TANC1: variants seen among roughly 807,000 people sequenced by gnomAD.
TANC1 encodes the protein protein TANC1.
Under a neutral mutation model 149.7 loss-of-function variants are expected in TANC1, and 77 were observed. The ratio of observed to expected loss-of-function variants is 0.51; its 90% CI spans 0.43 to 0.62. The LOEUF (loss-of-function observed/expected upper bound fraction) is 0.62, where lower values mean the gene tolerates loss of function less well. TANC1 is among the 20% of genes least tolerant of loss of function. The pLI, the probability that TANC1 is intolerant of heterozygous loss-of-function variation, is 0.00. For synonymous variants in TANC1, 854 were observed against 925.0 expected (o/e 0.92, Z 1.39); for missense variants, 1,985 against 2,321.8 (o/e 0.85, Z 2.98).
chr2:159,045,239 G>C (rs1317268899), intron 2 of TANC1, among the ~76,000 whole-genome samples: 1 of 152,164 alleles, frequency 6.6e-6, no homozygotes, highest in East Asian at 1.9e-4. Flanking sequence ...TGAGCAGATT[G>C]CCTGAGCTCA....
At chr2:159,073,209 C>T (rs968550490) in intron 3 of TANC1, among the ~76,000 whole-genome samples, 2 of 152,080 alleles carry the variant, frequency 1.3e-5, no homozygotes, top group Non-Finnish European at 2.9e-5. Flanking sequence ...GGCCCTTGTC[C>T]CCCGACCTCT....
intron 1 of TANC1, among the ~76,000 whole-genome samples, chr2:158,978,861 G>T (rs2033986143): frequency 6.6e-6 from 1 of 152,206 alleles, no homozygotes; most frequent in Non-Finnish European, 1.5e-5. Flanking sequence ...AGGGTCAAAT[G>T]ACAGAATGTA....
intron 5 of TANC1, among the ~76,000 whole-genome samples, chr2:159,145,615 G>T (rs1475038376): frequency 1.3e-5 from 2 of 152,178 alleles, no homozygotes; most frequent in African/African-American, 4.8e-5. Context: ...GTCGGGAGCT[G>T]GTCAGTTTGT....
chr2:159,150,896 A>C, intron 7 of TANC1: 1 of 197,132 alleles, frequency 5.1e-6, no homozygotes, highest in South Asian at 1.4e-4. Context: ...ACAGCAGAGC[A>C]ATGAAATTCC....
chr2:159,201,652 C>G lies in TANC1; in HGVS notation c.3244+2599C>G, dbSNP rs868322925. 6.6e-5 allele frequency among the ~76,000 whole-genome samples: 10 copies of G among 152,310 alleles called. No homozygotes were observed. In the Middle Eastern group the frequency reaches 0.01, roughly 155 times the overall value. On this transcript the variant is annotated intron_variant, in intron 19 of 26. Coordinates refer to ENST00000263635, the MANE Select transcript of TANC1 (RefSeq NM_033394.3). ...ACTCTAGGATGGACTGTATCTGTCC[C>G]TAGCCACAGCACAAGGATAGGATCC...
intron 7 of TANC1, among the ~76,000 whole-genome samples, chr2:159,161,180 G>C (rs2054012308): frequency 6.6e-6 from 1 of 152,198 alleles, no homozygotes; most frequent in East Asian, 1.9e-4. Context: ...CCCTGCTTGA[G>C]GTCCTAGTTA....
rs1044135066 is a variant in TANC1 at position 159,182,011 on chromosome 2, G to C, written c.2510+2848G>C. 1.1e-4 allele frequency among the ~76,000 whole-genome samples: 16 copies of C among 152,106 alleles called. No individual in the cohort carries two copies. The East Asian group carries it at 2.3e-3, about 22-fold the overall frequency. ...AGGTCAGGGGTTCGAGACCAGCCTG[G>C]CCAACATGGTGAACCCAGTCTCTAC... On this transcript the variant is annotated intron_variant, in intron 14 of 26. Coordinates refer to ENST00000263635, the MANE Select transcript of TANC1 (RefSeq NM_033394.3).
At chr2:159,165,070 A>G (rs17422035) in intron 8 of TANC1, among the ~76,000 whole-genome samples, 4,403 of 152,310 alleles carry the variant, frequency 0.029, 85 homozygotes, top group Non-Finnish European at 0.046. Context: ...TCACTTTATT[A>G]ACTTCAACAA....
intron 2 of TANC1, among the ~76,000 whole-genome samples, chr2:159,053,280 A>G (rs1413261444): frequency 2.5e-4 from 37 of 147,164 alleles, no homozygotes; most frequent in Middle Eastern, 7.1e-3. Flanking sequence ...GCTTAAGGGA[A>G]AAAAAAAAAA....
chr2:159,181,873 A>G (rs914306231), intron 14 of TANC1, among the ~76,000 whole-genome samples: 1 of 152,108 alleles, frequency 6.6e-6, no homozygotes, highest in Non-Finnish European at 1.5e-5. Flanking sequence ...GCCCTAGGTT[A>G]GCATTCCAGA....
chr2:159,116,743 T>C (rs902188138), intron 4 of TANC1, among the ~76,000 whole-genome samples: 1 of 152,138 alleles, frequency 6.6e-6, no homozygotes, highest in Non-Finnish European at 1.5e-5. Context: ...TTAACTTTTG[T>C]CTCAGGAAAG....
chr2:159,150,506 C>A lies in TANC1; in HGVS notation c.632C>A (p.Thr211Asn). 8 of 1,614,076 alleles carry A rather than the reference C, an allele frequency of 5.0e-6. No homozygotes were observed. Among genetic ancestry groups the A allele is most frequent in the Non-Finnish European group, 6.8e-6 (8 of 1,179,964 alleles). The change falls in exon 7 of 27, where the codon ACC becomes AAC. Residue 211 changes from threonine to asparagine, a missense_variant. Thr to Asn is a moderately conservative substitution (Grantham distance 65). This residue lies in a region of TANC1 where 557 missense variants were observed against 612.9 expected (regional missense o/e 0.91). Coordinates refer to ENST00000263635, the MANE Select transcript of TANC1 (RefSeq NM_033394.3). ...KTAANKSPCE[T>N]ISSPSSTLES... ...GCAGCCAACAAAAGTCCCTGTGAGACCATTAGCAGCCCTAGTTCCACCCTG... is the reference window on the plus strand; with the variant it reads ...GCAGCCAACAAAAGTCCCTGTGAGAACATTAGCAGCCCTAGTTCCACCCTG...
At chr2:159,051,298 C>A (rs1405951829) in intron 2 of TANC1, among the ~76,000 whole-genome samples, 8 of 152,158 alleles carry the variant, frequency 5.3e-5, no homozygotes, top group Non-Finnish European at 1.0e-4. Context: ...TTCTGCAACT[C>A]CCTATTCCTC....
intron 3 of TANC1, among the ~76,000 whole-genome samples, chr2:159,085,385 C>G (rs2044731779): frequency 6.6e-6 from 1 of 152,016 alleles, no homozygotes. Flanking sequence ...TCAAAATGGA[C>G]TTGATATATA....
At chr2:159,049,576 C>G (rs906200220) in intron 2 of TANC1, among the ~76,000 whole-genome samples, 19 of 152,192 alleles carry the variant, frequency 1.2e-4, no homozygotes, top group Non-Finnish European at 1.5e-5. Flanking sequence ...ATGCACTTAA[C>G]TGGCCTAACG....
In TANC1 at chr2:159,149,156, A is replaced by G. The variant is rs2150310774; in HGVS notation, c.379A>G (p.Asn127Asp). 1 of 1,599,578 alleles carries G rather than the reference A, an allele frequency of 6.3e-7. No homozygotes were observed. The highest frequency in any genetic ancestry group is 2.2e-5 in the East Asian group (1 of 44,694). The part of the protein sequence containing the change: ...EPDEHEAKAD[N>D]EPSCSPAAQE... ...CTTTGTTCCAGAAGCAAAGGCCGAT[A>G]ATGAACCGAGCTGTTCGCCGGCAGC... is the stretch of plus-strand genomic sequence containing the variant. Residue 127 changes from asparagine to aspartate, a missense_variant, in exon 6 of 27, where the codon AAT becomes GAT. This residue lies in a region of TANC1 where 557 missense variants were observed against 612.9 expected (regional missense o/e 0.91). Coordinates refer to ENST00000263635, the MANE Select transcript of TANC1 (RefSeq NM_033394.3).
intron 3 of TANC1, among the ~76,000 whole-genome samples, chr2:159,076,155 G>A (rs1231619081): frequency 3.3e-5 from 5 of 152,072 alleles, no homozygotes; most frequent in African/African-American, 1.2e-4. Context: ...TTGGGATTGT[G>A]AGGGGCTTGT....
At chr2:159,136,097 G>T (rs12990476) in intron 4 of TANC1, 97 bp from the exon 5 acceptor site, 2 of 694,460 alleles carry the variant, frequency 2.9e-6, no homozygotes, top group East Asian at 2.7e-5. Flanking sequence ...TCTTCCTCTA[G>T]GCATATTTGG....
Position 159,217,543 on chromosome 2 carries a change from G to A in TANC1, c.3291G>A (p.Leu1097=). Residue 1097 remains leucine (L), a synonymous_variant, in exon 20 of 27, where the codon CTG becomes CTA. Transcript: ENST00000263635. ...AGRGKLEVCE[L]LLGHGAAVSR... Reference sequence around the variant, plus strand: ...GAGGGAAGCTGGAGGTCTGTGAGCTGCTGCTGGGGCATGGAGCTGCTGTGT... The same window carrying A: ...GAGGGAAGCTGGAGGTCTGTGAGCTACTGCTGGGGCATGGAGCTGCTGTGT... 1.9e-6 allele frequency: 3 copies of A among 1,614,236 alleles called. No homozygotes were observed. Among genetic ancestry groups the A allele is most frequent in the Non-Finnish European group, 1.7e-6 (2 of 1,180,034 alleles).
Sources: allele counts gnomAD v4.1 joint callset (sites outside exome capture counted in the v4.1 genomes callset), GRCh38; gene constraint gnomAD v4.1.1; regional missense constraint gnomAD v4.1.1; transcripts MANE v1.5; gene names NCBI Gene and HGNC (gene_info 2026-07-23, HGNC 2026-07-21).